SQOR: variants seen among roughly 807,000 people sequenced by gnomAD.
SQOR encodes sulfide quinone oxidoreductase, also known as sulfide:quinone oxidoreductase, mitochondrial.
A neutral mutation model predicts 48.6 loss-of-function variants in SQOR; 39 were observed. The ratio of observed to expected loss-of-function variants is 0.80; its 90% CI spans 0.62 to 1.05. The LOEUF (loss-of-function observed/expected upper bound fraction) is 1.05. Among genes scored for constraint, SQOR ranks in the 50% least tolerant of loss-of-function variants. SQOR has a pLI of 0.00. For missense variants in SQOR, 561 were observed against 559.9 expected (o/e 1.00, Z -0.02); for synonymous variants, 220 against 206.2 (o/e 1.07, Z -0.57).
intron 3 of SQOR, among the ~76,000 whole-genome samples, chr15:45,666,203 G>C (rs934504305): frequency 6.6e-6 from 1 of 152,074 alleles, no homozygotes; most frequent in Admixed American, 6.6e-5. Context: ...CTTTAGCTTC[G>C]ATATGACTCC....
intron 1 of SQOR, among the ~76,000 whole-genome samples, chr15:45,650,566 AGAAAG>A (rs1889463873): frequency 1.3e-5 from 2 of 152,230 alleles, no homozygotes; most frequent in South Asian, 4.1e-4. Context: ...AAAGAGGACC[AGAAAG>A]GACTGCCACC....
intron 5 of SQOR, chr15:45,674,071 T>C (rs556995170): frequency 3.6e-4 from 156 of 428,396 alleles, no homozygotes; most frequent in South Asian, 4.1e-4. Flanking sequence ...AGTCATAGTG[T>C]ACATGAAAAA....
At position 45,676,301 on chromosome 15, in the gene SQOR, A is replaced by G; in HGVS notation, c.855A>G (p.Gln285=). Residue 285 remains glutamine, a synonymous_variant, in exon 6 of 10, where the codon CAA becomes CAG. Coordinates refer to ENST00000260324, the MANE Select transcript of SQOR (RefSeq NM_021199.4). Reference sequence around the variant, plus strand: ...ACCTGGACAAACCAGGAGAGACCCAAGTGATTTCAGTGAGTGGTGAGGCTA... The same window carrying G: ...ACCTGGACAAACCAGGAGAGACCCAGGTGATTTCAGTGAGTGGTGAGGCTA... ...FENLDKPGET[Q]VISYEMLHVT... 6.2e-7 allele frequency: 1 copy of G among 1,613,900 alleles called. No homozygotes were observed. The highest frequency in any genetic ancestry group is 8.5e-7 in the Non-Finnish European group (1 of 1,179,882).
chr15:45,640,554 C>G (rs1403144837), intron 1 of SQOR, among the ~76,000 whole-genome samples: 2 of 152,210 alleles, frequency 1.3e-5, no homozygotes, highest in African/African-American at 4.8e-5. Context: ...TTTAGAGTCT[C>G]TCCAACTATG....
At chr15:45,676,368 A>G in intron 6 of SQOR, 58 bp downstream of exon 6, 1 of 1,532,290 alleles carries the variant, frequency 6.5e-7, no homozygotes, top group Non-Finnish European at 9.0e-7. Context: ...CGTGCCATAG[A>G]TACATGGGGG....
chr15:45,682,438 A>G (rs769358695), intron 6 of SQOR, 40 bp from the exon 7 acceptor site: 1 of 1,608,936 alleles, frequency 6.2e-7, no homozygotes, highest in South Asian at 1.1e-5. Context: ...CTGTAGAAAT[A>G]TTGAATAAAT....
intron 4 of SQOR, among the ~76,000 whole-genome samples, chr15:45,670,697 C>A (rs1375073965): frequency 1.3e-5 from 2 of 152,190 alleles, no homozygotes; most frequent in Non-Finnish European, 2.9e-5. Flanking sequence ...AGGGCCTCAA[C>A]AGAGTTGGCC....
At chr15:45,666,672 T>A (rs1227478583) in intron 3 of SQOR, among the ~76,000 whole-genome samples, 2 of 152,062 alleles carry the variant, frequency 1.3e-5, no homozygotes, top group Non-Finnish European at 2.9e-5. Context: ...TCTTGATTGC[T>A]GATTGAAAGC....
chr15:45,647,458 C>T (rs1348810697), intron 1 of SQOR, among the ~76,000 whole-genome samples: 2 of 151,358 alleles, frequency 1.3e-5, no homozygotes, highest in East Asian at 4.0e-4. Flanking sequence ...TCCCTAGTAG[C>T]TGGGATTATA....
chr15:45,667,921 CTTTA>C (rs371643495), intron 3 of SQOR, among the ~76,000 whole-genome samples: 8 of 135,654 alleles, frequency 5.9e-5, no homozygotes, highest in Admixed American at 2.3e-4. Context: ...CATCATCTTT[CTTTA>C]TTTCTTTCTT....
intron 3 of SQOR, among the ~76,000 whole-genome samples, chr15:45,665,585 T>C (rs1270371321): frequency 7.3e-6 from 1 of 136,216 alleles, no homozygotes; most frequent in Non-Finnish European, 1.6e-5. Flanking sequence ...CCATTCTGTC[T>C]TTTTTTTTTT....
In SQOR at chr15:45,658,817, T is replaced by C. The variant is rs2140947442; in HGVS notation, c.-17-90T>C. 6 of 1,050,880 alleles carry C rather than the reference T, an allele frequency of 5.7e-6. No homozygotes were observed. The East Asian group carries it at 1.7e-4, about 29-fold the overall frequency. 65.1% of individuals were successfully genotyped at this position (1,050,880 alleles called of 1,614,324 possible). A position where few individuals can be genotyped will look rare whatever the true frequency, so the allele number is the denominator to read the frequency against. On this transcript the variant is annotated intron_variant, in intron 1 of 9. Coordinates refer to ENST00000260324, the MANE Select transcript of SQOR (RefSeq NM_021199.4). Reference sequence around the variant, plus strand: ...TGGGGACCAGCTGGAGCGGGCCAGATGCCGGCCTCCCTTCCTCCTGGAAAG... The same window carrying C: ...TGGGGACCAGCTGGAGCGGGCCAGACGCCGGCCTCCCTTCCTCCTGGAAAG...
intron 4 of SQOR, among the ~76,000 whole-genome samples, chr15:45,670,413 G>T (rs1889918356): frequency 6.6e-6 from 1 of 152,196 alleles, no homozygotes; most frequent in Non-Finnish European, 1.5e-5. Flanking sequence ...GGACATCTGG[G>T]TTTTGTTGTG....
At chr15:45,632,715 A>G (rs879270100), upstream of SQOR, among the ~76,000 whole-genome samples, 1 of 151,926 alleles carries the variant, frequency 6.6e-6, no homozygotes, top group Non-Finnish European at 1.5e-5. Context: ...GGGACTTTTT[A>G]TTTGTCATAA....
Position 45,673,589 on chromosome 15 carries a change from T to G in SQOR, c.460-18T>G, listed in dbSNP as rs1262375453. The G allele has an allele frequency of 1.2e-6, 2 of 1,604,294 alleles. No individual in the cohort carries two copies. The highest frequency in any genetic ancestry group is 1.7e-6 in the Non-Finnish European group (2 of 1,175,216). ...TTTGCACTTTTGTTTAAAATAATTTTTGTGTACTTTGTTGCAGATTAAAGG... is the reference window on the plus strand; with the variant it reads ...TTTGCACTTTTGTTTAAAATAATTTGTGTGTACTTTGTTGCAGATTAAAGG... On this transcript the variant is annotated intron_variant, in intron 4 of 9. Transcript: ENST00000260324.
At chr15:45,632,334 C>T (rs1042081426), upstream of SQOR, among the ~76,000 whole-genome samples, 13 of 151,970 alleles carry the variant, frequency 8.6e-5, no homozygotes, top group Non-Finnish European at 1.9e-4. Flanking sequence ...ATTCTCCTGC[C>T]TCAGCCTCCC....
intron 3 of SQOR, among the ~76,000 whole-genome samples, chr15:45,662,790 C>T (rs909265097): frequency 6.6e-6 from 1 of 152,222 alleles, no homozygotes; most frequent in Non-Finnish European, 1.5e-5. Context: ...TCTTTTCCCC[C>T]ACCTGCTGCT....
At chr15:45,636,472 C>T (rs1305655056) in intron 1 of SQOR, among the ~76,000 whole-genome samples, 2 of 149,360 alleles carry the variant, frequency 1.3e-5, no homozygotes, top group South Asian at 4.2e-4. Flanking sequence ...GGCGCGATCT[C>T]GGTTCAATGC....
chr15:45,663,612 T>G (rs1330395874), intron 3 of SQOR, among the ~76,000 whole-genome samples: 2 of 151,720 alleles, frequency 1.3e-5, no homozygotes, highest in Non-Finnish European at 2.9e-5. Context: ...CAAAAAAAAT[T>G]AAGACATTAG....
Sources: gnomAD v4.1 joint callset for allele counts (sites outside exome capture counted in the v4.1 genomes callset) on GRCh38, gnomAD v4.1.1 for gene constraint, MANE v1.5 for transcripts, NCBI Gene and HGNC (gene_info 2026-07-23, HGNC 2026-07-21) for gene names.